Variants in RNF213 observed in about 807,000 individuals in gnomAD.
The protein encoded by RNF213 is E3 ubiquitin-protein ligase RNF213.
Under a neutral mutation model 514.4 loss-of-function variants are expected in RNF213, and 341 were observed. That is an observed-to-expected ratio of 0.66 (90% CI 0.61 to 0.73). The LOEUF is 0.73. Among genes scored for constraint, RNF213 ranks in the 30% least tolerant of loss-of-function variants. The pLI, the probability that RNF213 is intolerant of heterozygous loss-of-function variation, is 0.00. For missense variants in RNF213, 5,767 were observed against 6,615.6 expected (o/e 0.87, Z 4.45); for synonymous variants, 2,655 against 2,658.2 (o/e 1.00, Z 0.04).
chr17:80,340,410 C>T (rs2078118469), intron 26 of RNF213, 54 bp downstream of exon 26: 1 of 1,503,302 alleles, frequency 6.7e-7, no homozygotes. Context: ...TGCCCGGGGC[C>T]CTTCCCCCCT....
chr17:80,390,298 TC>T, intron 67 of RNF213, 102 bp downstream of exon 67: 1 of 1,341,220 alleles, frequency 7.5e-7, no homozygotes, highest in Non-Finnish European at 1.1e-6. Flanking sequence ...TACCACAGAA[TC>T]CCATTTCCTG....
intron 18 of RNF213, among the ~76,000 whole-genome samples, chr17:80,327,580 A>G (rs9907978): frequency 0.64 from 97,774 of 152,044 alleles, 32,277 homozygotes; most frequent in Middle Eastern, 0.69. Context: ...CATTGCGGGA[A>G]GTCATCTTCT....
rs1801723066 is a variant in RNF213 at position 80,263,610 on chromosome 17, T to G, written c.-72T>G. ...GAAGCCGTGGTCACGTGACAGGACA[T>G]GTAGTATATAGCAGGCTGCCAGCGA... is the stretch of plus-strand genomic sequence containing the variant. On this transcript the variant is annotated 5_prime_UTR_variant, in exon 2 of 68. The change abolishes an upstream ATG in the 5' untranslated region. Coordinates refer to ENST00000582970, the MANE Select transcript of RNF213 (RefSeq NM_001256071.3). This position sits in a 1 kb window ranked among gnomAD's most constrained non-coding sequence, Gnocchi z 4.9. The G allele has an allele frequency of 8.7e-6, 10 of 1,145,496 alleles. No homozygotes were observed. The highest frequency in any genetic ancestry group is 4.6e-5 in the African/African-American group (3 of 65,754). The allele number at this position is 1,145,496 out of a possible 1,614,324, so 71.0% of individuals were successfully genotyped here.
chr17:80,304,566 G>A (rs2045291996), intron 11 of RNF213, among the ~76,000 whole-genome samples: 1 of 150,874 alleles, frequency 6.6e-6, no homozygotes, highest in Non-Finnish European at 1.5e-5. Flanking sequence ...CGTGAGCCTG[G>A]TAGGCAGAGC....
Position 80,381,235 on chromosome 17 carries a change from G to A in RNF213, c.13797+248G>A, listed in dbSNP as rs531970066. The stretch of plus-strand genomic sequence containing the variant: ...CACTCTGTGTCTCTGGTCCACATCT[G>A]GGAGTAGAGAGGCTGACATCTTCAT... On this transcript the variant is annotated intron_variant, in intron 56 of 67. Transcript: ENST00000582970. 2.8e-5 allele frequency: 17 copies of A among 605,826 alleles called. No individual in the cohort carries two copies. The East Asian group carries it at 4.5e-4, about 16-fold the overall frequency. 37.5% of individuals were successfully genotyped at this position (605,826 alleles called of 1,614,324 possible).
intron 18 of RNF213, among the ~76,000 whole-genome samples, chr17:80,327,086 C>G (rs2046299480): frequency 6.6e-6 from 1 of 152,192 alleles, no homozygotes; most frequent in Non-Finnish European, 1.5e-5. Context: ...AAGTGTCTCC[C>G]TAAGACCATC....
Position 80,353,447 on chromosome 17 carries a change from G to A in RNF213, c.10424-65G>A. 1 of 1,537,546 alleles carries A rather than the reference G, an allele frequency of 6.5e-7. No homozygotes were observed. The highest frequency in any genetic ancestry group is 8.8e-7 in the Non-Finnish European group (1 of 1,132,736). On this transcript the variant is annotated intron_variant, in intron 33 of 67. Coordinates refer to ENST00000582970, the MANE Select transcript of RNF213 (RefSeq NM_001256071.3). This position sits in a 1 kb window ranked among gnomAD's most constrained non-coding sequence, Gnocchi z 5.0. ...GGCTGAGCACACAGACTCCCAGATGGCACCGCTGCCAGTCCCTGTGCCACC... is the reference window on the plus strand; with the variant it reads ...GGCTGAGCACACAGACTCCCAGATGACACCGCTGCCAGTCCCTGTGCCACC...
chr17:80,355,520 T>C lies in RNF213; in HGVS notation c.10862+944T>C, dbSNP rs866988389. Reference sequence around the variant, plus strand: ...AGCGGGGTGACCGGGAATGGGGGCTTACAGGGGGAAGAAGCGGGGTGGACG... The same window carrying C: ...AGCGGGGTGACCGGGAATGGGGGCTCACAGGGGGAAGAAGCGGGGTGGACG... On this transcript the variant is annotated intron_variant, in intron 36 of 67. Coordinates refer to ENST00000582970, the MANE Select transcript of RNF213 (RefSeq NM_001256071.3). Among the ~76,000 whole-genome samples the C allele has an allele frequency of 8.2e-3, 314 of 38,488 alleles. 8 individuals carry two copies. Among genetic ancestry groups the C allele is most frequent in the Admixed American group, 0.011 (36 of 3,274 alleles). The allele number at this position is 38,488 out of a possible 152,430, so 25.2% of individuals were successfully genotyped here.
At chr17:80,361,574 C>T (rs1001994579) in intron 38 of RNF213, among the ~76,000 whole-genome samples, 160 bp from the exon 39 acceptor site, 3 of 152,170 alleles carry the variant, frequency 2.0e-5, no homozygotes, top group Non-Finnish European at 2.9e-5. Context: ...AGTGACTATT[C>T]CTTCAATTCC....
chr17:80,364,302 T>C, intron 41 of RNF213, 131 bp from the exon 42 acceptor site: 2 of 1,259,528 alleles, frequency 1.6e-6, no homozygotes, highest in East Asian at 2.4e-5. Flanking sequence ...CACATAGGGC[T>C]TGCTTGTAAT....
intron 64 of RNF213, chr17:80,388,925 C>T (rs2080348783): frequency 1.6e-6 from 1 of 622,538 alleles, no homozygotes; most frequent in South Asian, 1.9e-5. Flanking sequence ...CATGGCCATG[C>T]CTGCTGAAGC....
chr17:80,328,942 AATTAC>A (rs1210215529), intron 20 of RNF213, among the ~76,000 whole-genome samples: 3 of 152,242 alleles, frequency 2.0e-5, no homozygotes, highest in Admixed American at 6.5e-5. Flanking sequence ...TTTTCCACAG[AATTAC>A]ATTTCCTGTC....
intron 37 of RNF213, 33 bp from the exon 38 acceptor site, chr17:80,360,028 A>G: frequency 6.2e-7 from 1 of 1,612,328 alleles, no homozygotes; most frequent in African/African-American, 1.3e-5. Context: ...CGTCTCACAA[A>G]CCCTCTTCTT....
In RNF213 at chr17:80,290,595, A is replaced by C. The variant is rs772699390; in HGVS notation, c.1138A>C (p.Thr380Pro). The C allele has an allele frequency of 1.2e-6, 2 of 1,614,108 alleles. No homozygotes were observed. The highest frequency in any genetic ancestry group is 2.2e-5 in the South Asian group (2 of 91,072). ...ASTLSPGGGV[T>P]VFFHAIISLH... is the part of the protein sequence containing the mutation. ...CACGCTGAGCCCGGGTGGAGGAGTC[A>C]CCGTGTTCTTCCACGCCATCATCTC... Residue 380 changes from threonine to proline, a missense_variant, in exon 7 of 68, where the codon ACC (threonine) becomes CCC (proline). Transcript: ENST00000582970.
intron 19 of RNF213, 69 bp from the exon 20 acceptor site, chr17:80,328,259 A>G: frequency 6.8e-7 from 1 of 1,478,920 alleles, no homozygotes; most frequent in South Asian, 1.3e-5. Flanking sequence ...CGGCGCTTTC[A>G]AAGCATTGCC....
chr17:80,363,692 G>C lies in RNF213; in HGVS notation c.11652G>C (p.Gln3884His). ...AGCCCAGTCCCCAGGCGTGGCTACA[G>C]TTGGTGAAGAATCTTTCCATGCCGC... ...TLKPSPQAWL[Q>H]LVKNLSMPLE... Residue 3884 changes from glutamine (Q) to histidine (H), a missense_variant, in exon 41 of 68, where the codon CAG becomes CAC. Physicochemically the swap from Gln to His is conservative, Grantham distance 24. Coordinates refer to ENST00000582970, the MANE Select transcript of RNF213 (RefSeq NM_001256071.3). 1 of 1,614,052 alleles carries C rather than the reference G, an allele frequency of 6.2e-7. No homozygotes were observed. Among genetic ancestry groups the C allele is most frequent in the South Asian group, 1.1e-5 (1 of 91,076 alleles).
rs754054671 is a variant in RNF213 at position 80,289,850 on chromosome 17, C to T, written c.1112+13C>T. 1 of 1,602,652 alleles carries T rather than the reference C, an allele frequency of 6.2e-7. No individual in the cohort carries two copies. Among genetic ancestry groups the T allele is most frequent in the Non-Finnish European group, 8.5e-7 (1 of 1,174,992 alleles). On this transcript the variant is annotated intron_variant, in intron 6 of 67. Transcript: ENST00000582970. The stretch of plus-strand genomic sequence containing the variant: ...AAGTGAAGGCAAGGTAGGGATGCCC[C>T]CGCAGGGGAGCAAAGGAGACCCTGC...
Position 80,270,357 on chromosome 17 carries a change from C to T in RNF213, c.98-2884C>T, listed in dbSNP as rs574901812. On this transcript the variant is annotated intron_variant, in intron 2 of 67. Coordinates refer to ENST00000582970, the MANE Select transcript of RNF213 (RefSeq NM_001256071.3). ...ACCTTGCCCTCTGAGCCAGGCTGGC[C>T]GTCTGGAGGACAGATTCCCAGCCAC... Among the ~76,000 whole-genome samples, 10 of 152,316 alleles carry T rather than the reference C, an allele frequency of 6.6e-5. 1 individual carries two copies. In the South Asian group the frequency reaches 2.1e-3, roughly 32 times the overall value.
At chr17:80,314,106 GTGA>G (rs2045723407) in intron 15 of RNF213, among the ~76,000 whole-genome samples, 1 of 117,500 alleles carries the variant, frequency 8.5e-6, no homozygotes, top group Non-Finnish European at 1.8e-5. Flanking sequence ...GGTACTGGAG[GTGA>G]TGGTGGTGGT....
Sources: gnomAD v4.1 joint callset for allele counts (sites outside exome capture counted in the v4.1 genomes callset) on GRCh38, gnomAD v4.1.1 for gene constraint, Gnocchi (gnomAD v3.1) non-coding constraint, MANE v1.5 for transcripts, NCBI Gene and HGNC (gene_info 2026-07-23, HGNC 2026-07-21) for gene names.